The following KIF26B variants were observed in gnomAD, a reference collection of about 807,000 sequenced individuals.
KIF26B encodes the protein kinesin-like protein KIF26B.
A neutral mutation model predicts 151.2 loss-of-function variants in KIF26B; 63 were observed. The observed-to-expected ratio is 0.42, with a 90% CI of 0.34 to 0.51. The LOEUF (loss-of-function observed/expected upper bound fraction) is 0.51. Among genes scored for constraint, KIF26B ranks in the 20% least tolerant of loss-of-function variants. The pLI, the probability that KIF26B is intolerant of heterozygous loss-of-function variation, is 0.07. For synonymous variants in KIF26B, 1,357 were observed against 1,262.1 expected, an observed-to-expected ratio of 1.08 and a Z score of -1.59; for missense variants, 2,813 against 2,913.6, an observed-to-expected ratio of 0.97 and a Z score of 0.79.
chr1:245,320,627 C>A (rs1435733679), intron 2 of KIF26B, among the ~76,000 whole-genome samples: 1 of 152,144 alleles, frequency 6.6e-6, no homozygotes, highest in Non-Finnish European at 1.5e-5. Context: ...ACACTTAGTG[C>A]AGTGGCGGTC....
intron 2 of KIF26B, among the ~76,000 whole-genome samples, chr1:245,235,930 ATTTT>A (rs35318362): frequency 3.4e-5 from 4 of 118,314 alleles, no homozygotes; most frequent in Admixed American, 8.7e-5. Context: ...TGCATCACTT[ATTTT>A]TTTTTTTTTT....
At position 245,533,294 on chromosome 1, in the gene KIF26B, C is replaced by T. The variant is rs141080615; in HGVS notation, c.1167-7473C>T. Among the ~76,000 whole-genome samples, 439 of 152,302 alleles carry T rather than the reference C, an allele frequency of 2.9e-3. 2 individuals are homozygous for T. Among genetic ancestry groups the T allele is most frequent in the African/African-American group, 9.7e-3 (405 of 41,576 alleles). Reference sequence around the variant, plus strand: ...AGGGGAGACTGTCCATCTGCCACCCCTGTCCTGGGTCGGGACCCTTTCTGT... The same window carrying T: ...AGGGGAGACTGTCCATCTGCCACCCTTGTCCTGGGTCGGGACCCTTTCTGT... On this transcript the variant is annotated intron_variant, in intron 4 of 14. Transcript: ENST00000407071.
chr1:245,334,660 G>A (rs377675386), intron 2 of KIF26B, among the ~76,000 whole-genome samples: 2 of 152,284 alleles, frequency 1.3e-5, no homozygotes, highest in African/African-American at 4.8e-5. Flanking sequence ...TATGGGTGCG[G>A]GGCAGACAAA....
rs1376600338 is a variant in KIF26B, at chr1:245,612,097, T to TGAGAGAGA, written c.2098+122_2098+123insAGAGAGAG. 1.1e-3 allele frequency: 744 copies of TGAGAGAGA among 653,624 alleles called. 6 individuals carry two copies. The highest frequency in any genetic ancestry group is 5.8e-3 in the East Asian group (160 of 27,534). 40.5% of individuals were successfully genotyped at this position (653,624 alleles called of 1,614,324 possible). ...GTGTGTGTGTGTGTGTGTGTGTGTG[T>TGAGAGAGA]GTGTGTGTGAGAGAGAGAGAGAGAG... On this transcript the variant is annotated intron_variant, in intron 9 of 14. Coordinates refer to ENST00000407071, the MANE Select transcript of KIF26B (RefSeq NM_018012.4).
At position 245,607,680 on chromosome 1, in the gene KIF26B, G is replaced by A; in HGVS notation, c.1587G>A (p.Glu529=). The A allele has an allele frequency of 3.1e-6, 5 of 1,612,948 alleles. No homozygotes were observed. The highest frequency in any genetic ancestry group is 4.2e-6 in the Non-Finnish European group (5 of 1,179,532). ...QAEVCAGTVA[E]VIQSVVNGAD... Reference sequence around the variant, plus strand: ...AAGTGTGTGCAGGCACCGTGGCAGAGGTGATCCAGTCTGTGGTCAACGGGG... The same window carrying A: ...AAGTGTGTGCAGGCACCGTGGCAGAAGTGATCCAGTCTGTGGTCAACGGGG... Residue 529 remains glutamate (E), a synonymous_variant, in exon 7 of 15, where the codon GAG becomes GAA. Transcript: ENST00000407071.
In KIF26B at chr1:245,224,926, C is replaced by T. The variant is rs190990815; in HGVS notation, c.465+68243C>T. 1.1e-3 allele frequency among the ~76,000 whole-genome samples: 167 copies of T among 152,260 alleles called. 1 individual carries two copies. Among genetic ancestry groups the T allele is most frequent in the African/African-American group, 3.5e-3 (146 of 41,550 alleles). On this transcript the variant is annotated intron_variant, in intron 2 of 14. Coordinates refer to ENST00000407071, the MANE Select transcript of KIF26B (RefSeq NM_018012.4). ...TTTGGTTTGTATCAAAGATGAATAG[C>T]CATAATTATCTGAAAAGGCTATTAA... is the stretch of plus-strand genomic sequence containing the variant.
At chr1:245,206,378 G>A (rs1027811554) in intron 2 of KIF26B, 1 of 152,184 alleles carries the variant, frequency 6.6e-6, no homozygotes, top group African/African-American at 2.4e-5. Context: ...TTGCACAAAG[G>A]ATTAAGCATT....
At chr1:245,535,466 A>C (rs972885505) in intron 4 of KIF26B, among the ~76,000 whole-genome samples, 15 of 152,214 alleles carry the variant, frequency 9.9e-5, no homozygotes, top group African/African-American at 3.6e-4. Context: ...AGGCTTTCCT[A>C]AATGGAGTAG....
In KIF26B at chr1:245,510,576, TTCTCTCTCTCTC is replaced by T. The variant is rs4021193; in HGVS notation, c.1167-30163_1167-30152del. Among the ~76,000 whole-genome samples the T allele has an allele frequency of 2.1e-3, 287 of 134,094 alleles. 1 individual carries two copies. Among genetic ancestry groups the T allele is most frequent in the East Asian group, 3.2e-3 (14 of 4,414 alleles). The allele number at this position is 134,094 out of a possible 152,430, so 88.0% of individuals were successfully genotyped here. ...TCTCGGCTGTCTCTTTTAGCAGAGC[TTCTCTCTCTCTC>T]TCTCTCTCTCTCTCTCTCTCTCTCT... On this transcript the variant is annotated intron_variant, in intron 4 of 14. Coordinates refer to ENST00000407071, the MANE Select transcript of KIF26B (RefSeq NM_018012.4).
At chr1:245,237,080 C>T (rs938522523) in intron 2 of KIF26B, among the ~76,000 whole-genome samples, 4 of 152,224 alleles carry the variant, frequency 2.6e-5, no homozygotes, top group South Asian at 2.1e-4. Flanking sequence ...GTGTCTTCAG[C>T]AGCACACTGG....
chr1:245,253,377 G>T (rs1670478363), intron 2 of KIF26B, among the ~76,000 whole-genome samples: 1 of 151,982 alleles, frequency 6.6e-6, no homozygotes, highest in Non-Finnish European at 1.5e-5. Context: ...TATATTATTT[G>T]CATCAAAGAT....
At chr1:245,503,107 G>T (rs1166945539) in intron 4 of KIF26B, among the ~76,000 whole-genome samples, 1 of 151,980 alleles carries the variant, frequency 6.6e-6, no homozygotes, top group Non-Finnish European at 1.5e-5. Flanking sequence ...TGATCTGCCC[G>T]CCTCGGCCTC....
intron 2 of KIF26B, among the ~76,000 whole-genome samples, chr1:245,165,560 G>T (rs1211321212): frequency 6.6e-6 from 1 of 152,214 alleles, no homozygotes; most frequent in Non-Finnish European, 1.5e-5. Context: ...GGAATCCACA[G>T]ACGGCATGAG....
At chr1:245,256,579 T>C (rs1468954604) in intron 2 of KIF26B, among the ~76,000 whole-genome samples, 2 of 152,106 alleles carry the variant, frequency 1.3e-5, no homozygotes, top group African/African-American at 4.8e-5. Context: ...AAACCAACAA[T>C]AACATTCTGA....
intron 2 of KIF26B, among the ~76,000 whole-genome samples, chr1:245,284,742 T>C (rs1671134991): frequency 6.6e-6 from 1 of 152,154 alleles, no homozygotes; most frequent in South Asian, 2.1e-4. Context: ...ACTTAGTGAT[T>C]TAAAATAATA....
Position 245,688,693 on chromosome 1 carries a change from G to A in KIF26B, c.5710G>A (p.Asp1904Asn), listed in dbSNP as rs749953234. 112 of 1,606,602 alleles carry A rather than the reference G, an allele frequency of 7.0e-5. No homozygotes were observed. Among genetic ancestry groups the A allele is most frequent in the Middle Eastern group, 1.6e-4 (1 of 6,074 alleles). The change falls in exon 12 of 15, where the codon GAC (aspartate) becomes AAC (asparagine). Residue 1904 changes from aspartate (D) to asparagine (N), a missense_variant. This residue lies in a region of KIF26B where 2,060 missense variants were observed against 2,088.6 expected (regional missense o/e 0.99). Coordinates refer to ENST00000407071, the MANE Select transcript of KIF26B (RefSeq NM_018012.4). ...GSSGYESVMR[D>N]SEATGSASSA... The stretch of plus-strand genomic sequence containing the variant: ...CAGCGGCTACGAGAGCGTGATGCGG[G>A]ACAGCGAGGCCACCGGCAGCGCGTC...
chr1:245,462,175 A>G (rs1366158188), intron 4 of KIF26B, among the ~76,000 whole-genome samples: 1 of 152,228 alleles, frequency 6.6e-6, no homozygotes, highest in Non-Finnish European at 1.5e-5. Flanking sequence ...ATGTAAGTTT[A>G]GGCATCTTGA....
intron 4 of KIF26B, among the ~76,000 whole-genome samples, chr1:245,465,504 G>A (rs1444803489): frequency 6.6e-6 from 1 of 152,136 alleles, no homozygotes; most frequent in Non-Finnish European, 1.5e-5. Flanking sequence ...ACCAAAGGAT[G>A]GAAAGAGCCA....
rs1672597539 is a variant in KIF26B, at chr1:245,352,775, A to C, written c.466-14059A>C. On this transcript the variant is annotated intron_variant, in intron 2 of 14. Coordinates refer to ENST00000407071, the MANE Select transcript of KIF26B (RefSeq NM_018012.4). This position sits in a 1 kb window ranked among gnomAD's most constrained non-coding sequence, Gnocchi z 5.0. ...CAACTCCTGAGCCTGTCTTACTAGT[A>C]CGGGTTCCCCAACCCCACGACTAGA... Among the ~76,000 whole-genome samples the C allele has an allele frequency of 6.6e-6, 1 of 152,062 alleles. No homozygotes were observed. Among genetic ancestry groups the C allele is most frequent in the African/African-American group, 2.4e-5 (1 of 41,380 alleles).
Sources: allele counts gnomAD v4.1 joint callset (sites outside exome capture counted in the v4.1 genomes callset), GRCh38; gene constraint gnomAD v4.1.1; regional missense constraint gnomAD v4.1.1; non-coding constraint Gnocchi (gnomAD v3.1); transcripts MANE v1.5; gene names NCBI Gene and HGNC (gene_info 2026-07-23, HGNC 2026-07-21).